Variants in USP40 observed in about 807,000 individuals in gnomAD.
USP40 encodes the protein ubiquitin carboxyl-terminal hydrolase 40.
Under a neutral mutation model 166.2 loss-of-function variants are expected in USP40, and 143 were observed. The ratio of observed to expected loss-of-function variants is 0.86; its 90% confidence interval spans 0.75 to 0.99. The LOEUF (loss-of-function observed/expected upper bound fraction) is 0.99, where lower values mean the gene tolerates loss of function less well. USP40 is among the 50% of genes least tolerant of loss of function. The probability of loss-of-function intolerance (pLI) is 0.00; values close to 1 mark genes in which losing one functional copy is unlikely to be tolerated. For missense variants in USP40, 1,444 were observed against 1,479.7 expected (o/e 0.98, Z 0.40); for synonymous variants, 498 against 524.0 (o/e 0.95, Z 0.68).
At chr2:233,543,866 A>G (rs2069653555) in intron 8 of USP40, among the ~76,000 whole-genome samples, 1 of 152,228 alleles carries the variant, frequency 6.6e-6, no homozygotes, top group Admixed American at 6.5e-5. Context: ...TGATGCCCAT[A>G]CAGGGCAGAG....
intron 11 of USP40, among the ~76,000 whole-genome samples, chr2:233,530,261 A>G (rs1022613494): frequency 6.6e-6 from 1 of 150,456 alleles, no homozygotes; most frequent in Non-Finnish European, 1.5e-5. Context: ...CAATTTTAAA[A>G]ACTGGGATAA....
intron 22 of USP40, among the ~76,000 whole-genome samples, chr2:233,499,621 AC>A (rs2065947258): frequency 6.6e-6 from 1 of 152,156 alleles, no homozygotes; most frequent in Non-Finnish European, 1.5e-5. Context: ...TTACATTCCC[AC>A]CAACACTGTA....
chr2:233,560,833 G>T, intron 3 of USP40: 1 of 539,272 alleles, frequency 1.9e-6, no homozygotes, highest in Non-Finnish European at 3.3e-6. Context: ...GGTCGGTATT[G>T]TTGCAAAAAA....
chr2:233,477,625 CACAG>C (rs1559205083), intron 31 of USP40, 122 bp from the exon 32 acceptor site: 13 of 838,780 alleles, frequency 1.5e-5, no homozygotes, highest in Non-Finnish European at 1.7e-5. Context: ...TTTGCAATTG[CACAG>C]ACAGATCTCA....
At chr2:233,524,926 T>A (rs1275852093) in intron 14 of USP40, among the ~76,000 whole-genome samples, 2 of 152,334 alleles carry the variant, frequency 1.3e-5, no homozygotes, top group Non-Finnish European at 2.9e-5. Context: ...TTCTCATTTA[T>A]GAAATGGAGA....
chr2:233,548,223 T>C (rs1362599890), intron 8 of USP40, among the ~76,000 whole-genome samples: 1 of 152,148 alleles, frequency 6.6e-6, no homozygotes, highest in Non-Finnish European at 1.5e-5. Context: ...AAGTTTTAAA[T>C]GTAATTCAAT....
At chr2:233,485,410 T>C (rs1423848315) in intron 30 of USP40, 121 bp downstream of exon 30, 1 of 839,190 alleles carries the variant, frequency 1.2e-6, no homozygotes. Context: ...TTATCCATTC[T>C]CTGAAACAAT....
At chr2:233,513,939 T>C (rs1180554934) in intron 18 of USP40, among the ~76,000 whole-genome samples, 1 of 152,156 alleles carries the variant, frequency 6.6e-6, no homozygotes, top group South Asian at 2.1e-4. Context: ...CACAGCAGAA[T>C]CCCTTTCTGA....
Position 233,565,530 on chromosome 2 carries a change from C to A in USP40, c.25G>T (p.Glu9Ter). The A allele has an allele frequency of 6.5e-7, 1 of 1,537,244 alleles. No individual in the cohort carries two copies. The highest frequency in any genetic ancestry group is 8.7e-7 in the Non-Finnish European group (1 of 1,146,834). Reference sequence around the variant, plus strand: ...TGATTATTAGACACAGTGGAATACTCCTCTTCAAACAGGTCCCCAAACATT... The same window carrying A: ...TGATTATTAGACACAGTGGAATACTACTCTTCAAACAGGTCCCCAAACATT... Reference protein sequence around the residue: MFGDLFEEEYSTVSNNQYG... With the variant: MFGDLFEE Residue 9 changes from glutamate to a stop codon, truncating the protein, a stop_gained, in exon 2 of 32, where the codon GAG (glutamate) becomes TAG (stop). Transcript: ENST00000678225. LOFTEE classifies it high-confidence loss of function.
chr2:233,480,847 G>A lies in USP40; in HGVS notation c.3599+356C>T, dbSNP rs2064530746. ...GCAGGGCTGAGGTGGCAGCAAGACG[G>A]GGTGGTTCTGGAGACCTGAGGGTGT... is the stretch of plus-strand genomic sequence containing the variant. On this transcript the variant is annotated intron_variant, in intron 31 of 31. Coordinates refer to ENST00000678225, the MANE Select transcript of USP40 (RefSeq NM_001365479.2). This position sits in a 1 kb window ranked among gnomAD's most constrained non-coding sequence, Gnocchi z 4.5. Among the ~76,000 whole-genome samples the A allele has an allele frequency of 6.6e-6, 1 of 152,288 alleles. No individual in the cohort carries two copies. Among genetic ancestry groups the A allele is most frequent in the East Asian group, 1.9e-4 (1 of 5,174 alleles).
intron 26 of USP40, chr2:233,489,705 AAAG>A: frequency 2.1e-6 from 1 of 465,406 alleles, no homozygotes; most frequent in East Asian, 3.7e-5. Context: ...TCACCTTGAG[AAAG>A]AAGTGAGTTC....
intron 10 of USP40, among the ~76,000 whole-genome samples, chr2:233,538,478 G>A (rs1279268838): frequency 1.3e-5 from 2 of 152,008 alleles, no homozygotes; most frequent in Non-Finnish European, 2.9e-5. Context: ...ATCAATATCA[G>A]AAATGAAAAA....
intron 24 of USP40, among the ~76,000 whole-genome samples, chr2:233,495,775 A>T (rs999332538): frequency 6.6e-6 from 1 of 152,210 alleles, no homozygotes; most frequent in Non-Finnish European, 1.5e-5. Context: ...CCAGCTTTTC[A>T]TAACACCTGG....
chr2:233,519,753 C>A, intron 17 of USP40, 82 bp from the exon 18 acceptor site: 1 of 754,884 alleles, frequency 1.3e-6, no homozygotes, highest in Non-Finnish European at 2.0e-6. Context: ...TGTGCATAAA[C>A]AAATTATTTG....
chr2:233,524,207 GCAACCTC>G (rs1416127128), intron 15 of USP40, among the ~76,000 whole-genome samples: 2 of 152,094 alleles, frequency 1.3e-5, no homozygotes, highest in African/African-American at 4.8e-5. Context: ...TCAGCTCACA[GCAACCTC>G]CACTTTCCGG....
chr2:233,488,257 T>C lies in USP40; in HGVS notation c.3179A>G (p.Gln1060Arg), dbSNP rs2065075933. 2 of 1,604,498 alleles carry C rather than the reference T, an allele frequency of 1.2e-6. No homozygotes were observed. Among genetic ancestry groups the C allele is most frequent in the Non-Finnish European group, 8.5e-7 (1 of 1,175,154 alleles). The change falls in exon 28 of 32, where the codon CAG (glutamine) becomes CGG (arginine). Residue 1060 changes from glutamine to arginine, a missense_variant. Transcript: ENST00000678225. ...RRIEICLEPLQKGENLGPQDV... is the reference protein window; with the variant it reads ...RRIEICLEPLRKGENLGPQDV... The stretch of plus-strand genomic sequence containing the variant: ...TTCTTACCCCAAGTTTTCGCCTTTC[T>C]GAAGGGGCTCTAAGCAGATCTCAAT...
rs202226925 is a variant in USP40, at chr2:233,517,379, G to GTTTTTTTTTTTTTTTTTTTTTTTTTTTTT, written c.2383+2234_2383+2235insAAAAAAAAAAAAAAAAAAAAAAAAAAAAA. ...CAAAAAAGATACTTGCACATGCATG[G>GTTTTTTTTTTTTTTTTTTTTTTTTTTTTT]TTTTTTGTTTTTTTTTTTTTTTTGA... On this transcript the variant is annotated intron_variant, in intron 18 of 31. Coordinates refer to ENST00000678225, the MANE Select transcript of USP40 (RefSeq NM_001365479.2). 1.5e-5 allele frequency among the ~76,000 whole-genome samples: 2 copies of GTTTTTTTTTTTTTTTTTTTTTTTTTTTTT among 137,142 alleles called. 1 individual carries two copies. 90.0% of individuals were successfully genotyped at this position (137,142 alleles called of 152,430 possible).
chr2:233,539,880 A>C (rs1015538489), intron 10 of USP40, among the ~76,000 whole-genome samples: 4 of 152,122 alleles, frequency 2.6e-5, no homozygotes, highest in Non-Finnish European at 5.9e-5. Context: ...GGTTTCTTGA[A>C]AAGGAAAAAA....
At chr2:233,496,615 T>C in intron 24 of USP40, 143 bp downstream of exon 24, 1 of 479,848 alleles carries the variant, frequency 2.1e-6, no homozygotes, top group Non-Finnish European at 3.6e-6. Context: ...GAAACATATC[T>C]GATTGATAGC....
Sources: gnomAD v4.1 joint callset for allele counts (sites outside exome capture counted in the v4.1 genomes callset) on GRCh38, gnomAD v4.1.1 for gene constraint, Gnocchi (gnomAD v3.1) non-coding constraint, MANE v1.5 for transcripts, NCBI Gene and HGNC (gene_info 2026-07-23, HGNC 2026-07-21) for gene names.